The following ANKRD36 variants were observed in gnomAD, a reference collection of about 807,000 sequenced individuals.
ANKRD36 encodes ankyrin repeat domain 36, also known as ankyrin repeat domain-containing protein 36A.
A neutral mutation model predicts 278.1 loss-of-function variants in ANKRD36; 179 were observed. The observed-to-expected ratio is 0.64, with a 90% confidence interval of 0.57 to 0.73. The LOEUF is 0.73. Among genes scored for constraint, ANKRD36 ranks in the 30% least tolerant of loss-of-function variants. ANKRD36 has a pLI of 0.00. For synonymous variants in ANKRD36, 320 were observed against 641.1 expected (o/e 0.50, Z 7.57); for missense variants, 1,159 against 1,956.7 (o/e 0.59, Z 7.69).
In ANKRD36 at chr2:97,197,501, A is replaced by G. The variant is rs540229348; in HGVS notation, c.2653+713A>G. On this transcript the variant is annotated intron_variant, in intron 42 of 75. Transcript: ENST00000420699. ...TTTGTTGATTTTAGTTATAGAAATG[A>G]GACAAGCTTAAATCTGAATACATTA... is the stretch of plus-strand genomic sequence containing the variant. 3.9e-4 allele frequency among the ~76,000 whole-genome samples: 60 copies of G among 152,052 alleles called. 2 individuals carry two copies. The highest frequency in any genetic ancestry group is 2.0e-3 in the Admixed American group (30 of 15,244).
chr2:97,205,300 A>G, intron 50 of ANKRD36, among the ~76,000 whole-genome samples: 1 of 151,558 alleles, frequency 6.6e-6, no homozygotes, highest in African/African-American at 2.4e-5. Flanking sequence ...ATGAAGAAAC[A>G]TTTGGAAGGC....
At chr2:97,132,809 C>A (rs1339222840) in intron 6 of ANKRD36, among the ~76,000 whole-genome samples, 2 of 152,002 alleles carry the variant, frequency 1.3e-5, no homozygotes, top group Non-Finnish European at 2.9e-5. Flanking sequence ...CTTCCGGGAG[C>A]CCTCTCCTGT....
chr2:97,148,398 G>T (rs1193220658), intron 11 of ANKRD36, among the ~76,000 whole-genome samples: 19 of 151,554 alleles, frequency 1.3e-4, no homozygotes, highest in African/African-American at 4.7e-4. Flanking sequence ...ATTGGAGATT[G>T]CCACAGATCC....
chr2:97,157,407 A>G (rs2047751321), intron 15 of ANKRD36, among the ~76,000 whole-genome samples: 1 of 149,020 alleles, frequency 6.7e-6, no homozygotes, highest in African/African-American at 2.5e-5. Flanking sequence ...AAAATAACTT[A>G]CCTCAGTCTA....
At chr2:97,229,141 T>G (rs1443556050) in intron 67 of ANKRD36, among the ~76,000 whole-genome samples, 1 of 151,628 alleles carries the variant, frequency 6.6e-6, no homozygotes, top group Non-Finnish European at 1.5e-5. Context: ...GTTCTGTAGA[T>G]GTCTATTAGG....
chr2:97,129,122 T>C (rs1015673036), intron 6 of ANKRD36, among the ~76,000 whole-genome samples: 10 of 152,210 alleles, frequency 6.6e-5, no homozygotes, highest in Admixed American at 6.6e-4. Flanking sequence ...CCACATCCTC[T>C]CCAGCACCTG....
chr2:97,207,212 G>A (rs905124101), intron 52 of ANKRD36, among the ~76,000 whole-genome samples: 19 of 151,412 alleles, frequency 1.3e-4, no homozygotes, highest in African/African-American at 4.4e-4. Flanking sequence ...AACTTAGGCA[G>A]ATTATTGCAC....
At chr2:97,202,054 G>C (rs1393257298) in intron 46 of ANKRD36, 148 bp from the exon 47 acceptor site, 2 of 1,496,142 alleles carry the variant, frequency 1.3e-6, no homozygotes, top group Non-Finnish European at 1.8e-6. Flanking sequence ...TTTCTGTCAC[G>C]TTCTAGTCCC....
chr2:97,196,691 T>G (rs752369758), intron 41 of ANKRD36, 25 bp from the exon 42 acceptor site: 21 of 1,578,206 alleles, frequency 1.3e-5, no homozygotes, highest in Non-Finnish European at 1.8e-5. Flanking sequence ...TATTTATTTA[T>G]TATTTCGTTT....
At position 97,216,774 on chromosome 2, in the gene ANKRD36, A is replaced by G. The variant is rs2066039446; in HGVS notation, c.3674-403A>G. Reference sequence around the variant, plus strand: ...GAGCATGATGAATGTCTGTAGTATAATGGTGTAAATCCTTTTGATTTCTTG... The same window carrying G: ...GAGCATGATGAATGTCTGTAGTATAGTGGTGTAAATCCTTTTGATTTCTTG... On this transcript the variant is annotated intron_variant, in intron 62 of 75. Transcript: ENST00000420699. 3 of 432,682 alleles carry G rather than the reference A, an allele frequency of 6.9e-6. No individual in the cohort carries two copies. In the South Asian group the frequency reaches 7.0e-5, roughly 10 times the overall value. 26.8% of individuals were successfully genotyped at this position (432,682 alleles called of 1,614,324 possible). A position where few individuals can be genotyped will look rare whatever the true frequency, so the allele number is the denominator to read the frequency against.
At chr2:97,230,000 G>A (rs2071360315) in intron 67 of ANKRD36, among the ~76,000 whole-genome samples, 1 of 152,236 alleles carries the variant, frequency 6.6e-6, no homozygotes, top group Middle Eastern at 3.4e-3. Flanking sequence ...TTTCTGCCGA[G>A]AGATCCACTG....
At chr2:97,195,177 C>A (rs2059430441) in intron 40 of ANKRD36, among the ~76,000 whole-genome samples, 1 of 151,958 alleles carries the variant, frequency 6.6e-6, no homozygotes, top group Non-Finnish European at 1.5e-5. Context: ...GGCTCTGGGG[C>A]CCAGCATAAT....
At chr2:97,166,731 AC>A (rs546604337) in intron 20 of ANKRD36, among the ~76,000 whole-genome samples, 275 of 152,244 alleles carry the variant, frequency 1.8e-3, no homozygotes, top group African/African-American at 6.5e-3. Context: ...AGAGTAAACC[AC>A]AGGGACTCAA....
intron 12 of ANKRD36, among the ~76,000 whole-genome samples, chr2:97,150,052 T>A (rs1425958493): frequency 6.6e-6 from 1 of 151,838 alleles, no homozygotes; most frequent in African/African-American, 2.4e-5. Flanking sequence ...TCTCTAATTT[T>A]AAAAAGTTGT....
chr2:97,124,605 T>G lies in ANKRD36; in HGVS notation c.731+8T>G. 1.9e-6 allele frequency: 3 copies of G among 1,544,604 alleles called. No homozygotes were observed. The highest frequency in any genetic ancestry group is 1.7e-6 in the Non-Finnish European group (2 of 1,144,724). ...TGAGGCTAAGAATAGAGTGTAAGTCTTTACATAAAAAGGCTAGTGAACACT... is the reference window on the plus strand; with the variant it reads ...TGAGGCTAAGAATAGAGTGTAAGTCGTTACATAAAAAGGCTAGTGAACACT... On this transcript the variant is annotated splice_region_variant and intron_variant, in intron 5 of 75. Coordinates refer to ENST00000420699, the MANE Select transcript of ANKRD36 (RefSeq NM_001354587.1).
At chr2:97,140,626 T>C (rs1419244755) in intron 6 of ANKRD36, among the ~76,000 whole-genome samples, 1 of 151,928 alleles carries the variant, frequency 6.6e-6, no homozygotes, top group Non-Finnish European at 1.5e-5. Context: ...GAGGAAGCCA[T>C]GGGGCTGCTT....
At chr2:97,183,438 T>C in intron 26 of ANKRD36, 21 bp from the exon 27 acceptor site, 1 of 1,548,652 alleles carries the variant, frequency 6.5e-7, no homozygotes, top group Non-Finnish European at 8.7e-7. Context: ...TGATGGATTA[T>C]ATATTTCTTT....
In ANKRD36 at chr2:97,199,825, G is replaced by C. The variant is rs78042216; in HGVS notation, c.2756-509G>C. 1.0e-3 allele frequency among the ~76,000 whole-genome samples: 152 copies of C among 152,010 alleles called. 1 individual carries two copies. The East Asian group carries it at 0.02, about 21-fold the overall frequency. On this transcript the variant is annotated intron_variant, in intron 44 of 75. Transcript: ENST00000420699. ...CCAAGGTGATCAATTCAGGACACTT[G>C]CACTGAAGAGATGTGAAGTGTACGT...
chr2:97,181,786 T>A lies in ANKRD36; in HGVS notation c.1830T>A (p.Ser610=). The A allele has an allele frequency of 6.2e-7, 1 of 1,608,682 alleles. No individual in the cohort carries two copies. The highest frequency in any genetic ancestry group is 1.1e-5 in the South Asian group (1 of 90,800). The part of the protein sequence containing the change: ...IATEIKKGQQ[S]GTVSPQKQSA... ...CAGAAATAAAGAAGGGACAACAATC[T>A]GGGACAGGTAATTTTGCAAAACACA... The change falls in exon 26 of 76, where the codon TCT becomes TCA. Residue 610 remains serine, a synonymous_variant. Coordinates refer to ENST00000420699, the MANE Select transcript of ANKRD36 (RefSeq NM_001354587.1).
Sources: allele counts gnomAD v4.1 joint callset (sites outside exome capture counted in the v4.1 genomes callset), GRCh38; gene constraint gnomAD v4.1.1; transcripts MANE v1.5; gene names NCBI Gene and HGNC (gene_info 2026-07-23, HGNC 2026-07-21).